The following CD8B2 variants were observed in gnomAD, a reference collection of about 807,000 sequenced individuals.
CD8B2 encodes T-cell surface glycoprotein CD8 beta-2 chain.
CD8B2 carries 11 observed loss-of-function variants against 23.7 expected under a neutral mutation model. The ratio of observed to expected loss-of-function variants is 0.46; its 90% confidence interval spans 0.29 to 0.77. The LOEUF is 0.77. Ranked by LOEUF, CD8B2 falls within the 30% of genes least tolerant of loss-of-function variation. The probability of loss-of-function intolerance (pLI) is 0.09; values close to 1 mark genes in which losing one functional copy is unlikely to be tolerated. For missense variants in CD8B2, 197 were observed against 270.5 expected, an observed-to-expected ratio of 0.73 and a Z score of 1.91; for synonymous variants, 90 against 109.3, an observed-to-expected ratio of 0.82 and a Z score of 1.10.
intron 5 of CD8B2, among the ~76,000 whole-genome samples, chr2:106,506,494 C>T (rs964012745): frequency 6.6e-6 from 1 of 151,854 alleles, no homozygotes; most frequent in African/African-American, 2.4e-5. Context: ...TTGAAAACCA[C>T]CTCTGGTTTT....
chr2:106,494,031 G>A (rs1679247645), intron 2 of CD8B2, among the ~76,000 whole-genome samples: 1 of 152,118 alleles, frequency 6.6e-6, no homozygotes, highest in Admixed American at 6.5e-5. Context: ...TGTTCTCTCC[G>A]CTTTCCAGAG....
At chr2:106,504,218 C>T in intron 4 of CD8B2, 71 bp from the exon 5 acceptor site, 1 of 1,549,914 alleles carries the variant, frequency 6.5e-7, no homozygotes, top group Non-Finnish European at 8.7e-7. Flanking sequence ...TGACAATCCT[C>T]CTTGGCCTCT....
intron 3 of CD8B2, among the ~76,000 whole-genome samples, 155 bp from the exon 4 acceptor site, chr2:106,502,319 A>G (rs1489416343): frequency 5.3e-4 from 71 of 132,828 alleles, no homozygotes; most frequent in Middle Eastern, 4.0e-3. Context: ...AAAAAAAAAA[A>G]GACTTGAGGA....
chr2:106,494,888 A>T (rs911935261), intron 2 of CD8B2, among the ~76,000 whole-genome samples: 1 of 152,178 alleles, frequency 6.6e-6, no homozygotes, highest in Non-Finnish European at 1.5e-5. Flanking sequence ...TTATATATAT[A>T]TTTTAGGGCC....
At chr2:106,534,865 C>A (rs1229923277) in intron 5 of CD8B2, among the ~76,000 whole-genome samples, 1 of 152,134 alleles carries the variant, frequency 6.6e-6, no homozygotes, top group African/African-American at 2.4e-5. Context: ...TTTGCCCAGA[C>A]TGGAGTGCAG....
At chr2:106,520,282 A>G (rs1679804202) in intron 5 of CD8B2, among the ~76,000 whole-genome samples, 1 of 152,238 alleles carries the variant, frequency 6.6e-6, no homozygotes, top group Admixed American at 6.5e-5. Flanking sequence ...TGAGGAAACA[A>G]AGGAATCCGC....
rs1680126533 is a variant in CD8B2, at chr2:106,538,593, A to G, written c.621-5399A>G. ...ACCTTTGCGCTATCTAGAGCCGAGC[A>G]GTGTCCTGAGTAGGAATTCCTGTCT... On this transcript the variant is annotated intron_variant, in intron 5 of 5. Transcript: ENST00000416057. Among the ~76,000 whole-genome samples, 3 of 152,256 alleles carry G rather than the reference A, an allele frequency of 2.0e-5. No homozygotes were observed. In the South Asian group the frequency reaches 6.2e-4, roughly 32 times the overall value.
chr2:106,518,012 C>A (rs886308082), intron 5 of CD8B2, among the ~76,000 whole-genome samples: 10 of 152,190 alleles, frequency 6.6e-5, no homozygotes, highest in Non-Finnish European at 1.0e-4. Flanking sequence ...CCGCGCCCAG[C>A]CTGTTTATAG....
intron 5 of CD8B2, among the ~76,000 whole-genome samples, chr2:106,525,752 A>G (rs1189622613): frequency 2.6e-5 from 4 of 152,078 alleles, no homozygotes; most frequent in Non-Finnish European, 5.9e-5. Context: ...CTTTTCATTT[A>G]GCATAATATT....
At chr2:106,542,681 T>A (rs1407357915) in intron 5 of CD8B2, among the ~76,000 whole-genome samples, 1 of 147,922 alleles carries the variant, frequency 6.8e-6, no homozygotes. Context: ...GAAGTATATA[T>A]TATATATGAA....
At chr2:106,516,902 T>C (rs1228213640) in intron 5 of CD8B2, among the ~76,000 whole-genome samples, 1 of 148,558 alleles carries the variant, frequency 6.7e-6, no homozygotes, top group East Asian at 1.9e-4. Context: ...TTCATATTTT[T>C]ATTATAATAT....
chr2:106,490,936 A>G lies in CD8B2; in HGVS notation c.106A>G (p.Met36Val). The change falls in exon 2 of 6, where the codon ATG becomes GTG. Residue 36 changes from methionine (M) to valine (V), a missense_variant. Physicochemically the swap from Met to Val is conservative, Grantham distance 21 (BLOSUM62 1). Coordinates refer to ENST00000643224, the MANE Select transcript of CD8B2 (RefSeq NM_001349727.2). ...ATACATAAAGGTGCAAACCAACAAG[A>G]TGGTGATGCTGTCCTGCGAGGCTAA... ...PAYIKVQTNK[M>V]VMLSCEAKIS... 1.9e-6 allele frequency: 3 copies of G among 1,613,386 alleles called. No homozygotes were observed. In the South Asian group the frequency reaches 3.3e-5, roughly 18 times the overall value.
intron 5 of CD8B2, among the ~76,000 whole-genome samples, chr2:106,529,198 G>A (rs1451825872): frequency 6.6e-6 from 1 of 152,190 alleles, no homozygotes; most frequent in Non-Finnish European, 1.5e-5. Context: ...TCTGTTATCT[G>A]CGATTAAGTA....
chr2:106,530,465 G>A (rs1373342949), intron 5 of CD8B2, among the ~76,000 whole-genome samples: 1 of 152,146 alleles, frequency 6.6e-6, no homozygotes, highest in Non-Finnish European at 1.5e-5. Flanking sequence ...TGCAAGCTCC[G>A]CCTCCCGGGT....
At chr2:106,543,235 TATC>T (rs1680204954) in intron 5 of CD8B2, 1 of 152,154 alleles carries the variant, frequency 6.6e-6, no homozygotes, top group African/African-American at 2.4e-5. Flanking sequence ...TCAAATAAAA[TATC>T]AGGCTTGGCG....
rs752937162 is a variant in CD8B2, at chr2:106,490,881, T to G, written c.51T>G (p.His17Gln). ...GTTCTTGGCTTTTCCTAGTTCTCCA[T>G]GGCAACTCAGTCCTCCAGCAGACCC... ...LLLAAQLTVL[H>Q]GNSVLQQTPA... Residue 17 changes from histidine (H) to glutamine (Q), a missense_variant, in exon 2 of 6, where the codon CAT becomes CAG. Around this residue, in one of 3 missense-constraint regions of CD8B2, gnomAD observed 140 missense variants for 164.2 expected, o/e 0.85. Coordinates refer to ENST00000643224, the MANE Select transcript of CD8B2 (RefSeq NM_001349727.2). 3 of 1,573,258 alleles carry G rather than the reference T, an allele frequency of 1.9e-6. No homozygotes were observed. Among genetic ancestry groups the G allele is most frequent in the Admixed American group, 3.6e-5 (2 of 55,558 alleles).
chr2:106,524,028 G>C (rs1679870942), intron 5 of CD8B2, among the ~76,000 whole-genome samples: 1 of 152,114 alleles, frequency 6.6e-6, no homozygotes, highest in Non-Finnish European at 1.5e-5. Flanking sequence ...TAGACAATTG[G>C]GCAGGTTTCA....
downstream of CD8B2, among the ~76,000 whole-genome samples, chr2:106,512,494 G>A (rs1679651551): frequency 6.6e-6 from 1 of 151,512 alleles, no homozygotes; most frequent in African/African-American, 2.4e-5. Flanking sequence ...TGTGTGTACA[G>A]TGCTCTGTTG....
chr2:106,500,982 A>G (rs1679394237), intron 3 of CD8B2, among the ~76,000 whole-genome samples: 1 of 152,208 alleles, frequency 6.6e-6, no homozygotes, highest in African/African-American at 2.4e-5. Flanking sequence ...GGCAAAAACT[A>G]AAACATTTTG....
Sources: gnomAD v4.1 joint callset for allele counts (sites outside exome capture counted in the v4.1 genomes callset) on GRCh38, gnomAD v4.1.1 for gene constraint, gnomAD v4.1.1 regional missense constraint, MANE v1.5 for transcripts, NCBI Gene and HGNC (gene_info 2026-07-23, HGNC 2026-07-21) for gene names.